Variants in SLC35F3 observed in about 807,000 individuals in gnomAD.
The protein encoded by SLC35F3 is solute carrier family 35 member F3.
A neutral mutation model predicts 49.9 loss-of-function variants in SLC35F3; 25 were observed. The observed-to-expected ratio is 0.50, with a 90% CI of 0.37 to 0.70. The LOEUF (loss-of-function observed/expected upper bound fraction) is 0.70, where lower values mean the gene tolerates loss of function less well. SLC35F3 is among the 30% of genes least tolerant of loss of function. The pLI is 0.00. For missense variants in SLC35F3, 525 were observed against 639.8 expected, an observed-to-expected ratio of 0.82 and a Z score of 1.94; for synonymous variants, 275 against 265.4, an observed-to-expected ratio of 1.04 and a Z score of -0.35.
chr1:234,120,463 C>T (rs887208072), intron 2 of SLC35F3, among the ~76,000 whole-genome samples: 1 of 152,146 alleles, frequency 6.6e-6, no homozygotes, highest in Non-Finnish European at 1.5e-5. Flanking sequence ...CTTTGAGAAC[C>T]GCAGTTCCTC....
intron 3 of SLC35F3, among the ~76,000 whole-genome samples, chr1:234,235,031 A>G (rs1667442989): frequency 6.6e-6 from 1 of 152,184 alleles, no homozygotes; most frequent in Non-Finnish European, 1.5e-5. Context: ...CCTATGCTGC[A>G]TGCAAGTGTC....
At chr1:233,936,708 A>G (rs1186785644) in intron 2 of SLC35F3, among the ~76,000 whole-genome samples, 1 of 148,598 alleles carries the variant, frequency 6.7e-6, no homozygotes, top group African/African-American at 2.5e-5. Flanking sequence ...TCTTTTTTTG[A>G]GACAGGGTCT....
chr1:234,085,168 G>A (rs1664942274), intron 2 of SLC35F3, among the ~76,000 whole-genome samples: 1 of 152,214 alleles, frequency 6.6e-6, no homozygotes, highest in Non-Finnish European at 1.5e-5. Context: ...GCTGTGTCTT[G>A]CAGAAGAGCC....
At chr1:234,097,573 GT>G (rs1170956051) in intron 2 of SLC35F3, among the ~76,000 whole-genome samples, 4 of 152,126 alleles carry the variant, frequency 2.6e-5, no homozygotes, top group East Asian at 3.9e-4. Flanking sequence ...CACATTATTT[GT>G]TTTTTTCTCA....
At chr1:234,074,389 T>C (rs12070302) in intron 2 of SLC35F3, among the ~76,000 whole-genome samples, 19 of 152,238 alleles carry the variant, frequency 1.2e-4, no homozygotes, top group African/African-American at 4.6e-4. Context: ...TAAAGGAGTA[T>C]GTCAAGTATA....
chr1:234,195,047 A>T (rs638155), intron 2 of SLC35F3, among the ~76,000 whole-genome samples: 41,546 of 152,138 alleles, frequency 0.27, 9,143 homozygotes, highest in East Asian at 0.88. Flanking sequence ...CAGGGCACAT[A>T]GCTGTGGCTC....
intron 2 of SLC35F3, among the ~76,000 whole-genome samples, chr1:234,173,865 G>T (rs927793660): frequency 6.6e-6 from 1 of 152,140 alleles, no homozygotes. Context: ...AGTTTCCTCC[G>T]CTCTCTGACA....
At position 234,019,646 on chromosome 1, in the gene SLC35F3, T is replaced by C. The variant is rs143495586; in HGVS notation, c.283+113888T>C. On this transcript the variant is annotated intron_variant, in intron 2 of 7. Coordinates refer to ENST00000366618, the MANE Select transcript of SLC35F3 (RefSeq NM_173508.4). Reference sequence around the variant, plus strand: ...CAACATCCACAGATTTAAGTTTTAGTCACATCCAAAAAAATAGCTTCACAG... The same window carrying C: ...CAACATCCACAGATTTAAGTTTTAGCCACATCCAAAAAAATAGCTTCACAG... 1.9e-3 allele frequency among the ~76,000 whole-genome samples: 294 copies of C among 152,204 alleles called. 1 individual carries two copies. The highest frequency in any genetic ancestry group is 6.9e-3 in the African/African-American group (287 of 41,510).
At chr1:234,102,481 C>T (rs1323852469) in intron 2 of SLC35F3, among the ~76,000 whole-genome samples, 1 of 152,216 alleles carries the variant, frequency 6.6e-6, no homozygotes, top group Non-Finnish European at 1.5e-5. Flanking sequence ...CAGTCGTGTG[C>T]AAGATCTAAC....
rs765754440 is a variant in SLC35F3, at chr1:234,214,581, C to T, written c.284-16836C>T. The stretch of plus-strand genomic sequence containing the variant: ...ACCCTTACCAAAGTGGAAGGTAATG[C>T]GCGGCCGCCTCGCCCCGGGGGTCCC... On this transcript the variant is annotated intron_variant, in intron 2 of 7. Transcript: ENST00000366618. The surrounding 1 kb of genome is among the most constrained non-coding windows in gnomAD (Gnocchi z 8.0). 3.9e-6 allele frequency: 6 copies of T among 1,535,044 alleles called. No individual in the cohort carries two copies. Among genetic ancestry groups the T allele is most frequent in the Admixed American group, 2.0e-5 (1 of 50,166 alleles).
In SLC35F3 at chr1:234,214,373, G is replaced by C; in HGVS notation, c.284-17044G>C. 1 of 1,356,574 alleles carries C rather than the reference G, an allele frequency of 7.4e-7. No homozygotes were observed. Among genetic ancestry groups the C allele is most frequent in the Non-Finnish European group, 9.5e-7 (1 of 1,055,066 alleles). 84.0% of individuals were successfully genotyped at this position (1,356,574 alleles called of 1,614,324 possible). On this transcript the variant is annotated intron_variant, in intron 2 of 7. Transcript: ENST00000366618. The surrounding 1 kb of genome is among the most constrained non-coding windows in gnomAD (Gnocchi z 8.0). ...AGCCGGGGAGGCCGGGACTGAGAGG[G>C]GCGAGCCGCTGGTGCTCCCCGGCGG... is the stretch of plus-strand genomic sequence containing the variant.
chr1:234,276,618 A>G (rs530794398), intron 3 of SLC35F3, among the ~76,000 whole-genome samples: 3 of 152,062 alleles, frequency 2.0e-5, no homozygotes, highest in African/African-American at 7.3e-5. Flanking sequence ...GACAGAAGAC[A>G]TAACGGGTAA....
Position 233,917,421 on chromosome 1 carries a change from G to A in SLC35F3, c.283+11663G>A, listed in dbSNP as rs116626981. Among the ~76,000 whole-genome samples, 665 of 151,838 alleles carry A rather than the reference G, an allele frequency of 4.4e-3. 4 individuals carry two copies. The highest frequency in any genetic ancestry group is 0.015 in the African/African-American group (625 of 41,368). ...CAGAGTTCTAATTTGTTCATTTGGT[G>A]TATCCCAGTCATTAAACATTTTTTT... On this transcript the variant is annotated intron_variant, in intron 2 of 7. Coordinates refer to ENST00000366618, the MANE Select transcript of SLC35F3 (RefSeq NM_173508.4).
At chr1:234,108,220 A>AAGATATATATATTTATATATATAT in intron 2 of SLC35F3, among the ~76,000 whole-genome samples, 1 of 109,630 alleles carries the variant, frequency 9.1e-6, no homozygotes, top group South Asian at 2.6e-4. Context: ...TATATATATA[A>AAGATATATATATTTATATATATAT]AAGATATATA....
chr1:233,980,491 C>T (rs1386675879), intron 2 of SLC35F3, among the ~76,000 whole-genome samples: 4 of 152,224 alleles, frequency 2.6e-5, no homozygotes, highest in African/African-American at 7.2e-5. Flanking sequence ...GACTTTCTGA[C>T]TCCCCCGTGT....
chr1:233,913,859 G>A (rs1417113402), intron 2 of SLC35F3, among the ~76,000 whole-genome samples: 1 of 152,156 alleles, frequency 6.6e-6, no homozygotes, highest in East Asian at 1.9e-4. Flanking sequence ...ATATTGGGGT[G>A]TTCTGTCCAG....
At chr1:234,264,076 T>A (rs1389639734) in intron 3 of SLC35F3, among the ~76,000 whole-genome samples, 1 of 151,826 alleles carries the variant, frequency 6.6e-6, no homozygotes, top group Non-Finnish European at 1.5e-5. Flanking sequence ...ACCACTACAC[T>A]CCAGCCTGGG....
intron 3 of SLC35F3, among the ~76,000 whole-genome samples, chr1:234,257,572 A>G (rs1667839648): frequency 6.6e-6 from 1 of 152,250 alleles, no homozygotes; most frequent in Admixed American, 6.5e-5. Context: ...AGGGAAAGAT[A>G]TTTGAGTTGG....
chr1:234,117,790 GC>G (rs1449081670), intron 2 of SLC35F3, among the ~76,000 whole-genome samples: 1 of 151,160 alleles, frequency 6.6e-6, no homozygotes, highest in Non-Finnish European at 1.5e-5. Context: ...GGAGGCTGAG[GC>G]AGGAGAATGG....
Sources: gnomAD v4.1 joint callset for allele counts (sites outside exome capture counted in the v4.1 genomes callset) on GRCh38, gnomAD v4.1.1 for gene constraint, Gnocchi (gnomAD v3.1) non-coding constraint, MANE v1.5 for transcripts, NCBI Gene and HGNC (gene_info 2026-07-23, HGNC 2026-07-21) for gene names.